Variants in MAPK10 observed in about 807,000 individuals in gnomAD.
The protein encoded by MAPK10 is JNK3 alpha protein kinase.
Under a neutral mutation model 59.3 loss-of-function variants are expected in MAPK10, and 25 were observed. The observed-to-expected ratio is 0.42, with a 90% CI of 0.31 to 0.59. MAPK10 has a LOEUF of 0.59. Among genes scored for constraint, MAPK10 ranks in the 20% least tolerant of loss-of-function variants. The probability of loss-of-function intolerance (pLI) is 0.15; values close to 1 mark genes in which losing one functional copy is unlikely to be tolerated. For synonymous variants in MAPK10, 190 were observed against 200.5 expected (o/e 0.95, Z 0.44); for missense variants, 351 against 568.9 (o/e 0.62, Z 3.90).
intron 3 of MAPK10, among the ~76,000 whole-genome samples, chr4:86,183,269 C>A (rs2077334236): frequency 6.6e-6 from 1 of 151,542 alleles, no homozygotes; most frequent in Non-Finnish European, 1.5e-5. Context: ...AGGTATATTT[C>A]CAAATGCTAT....
At chr4:86,134,753 T>C (rs988127408) in intron 4 of MAPK10, among the ~76,000 whole-genome samples, 2 of 152,224 alleles carry the variant, frequency 1.3e-5, no homozygotes. Context: ...CAGTGATTTC[T>C]GCATTTCCAT....
At chr4:86,396,405 T>C (rs1742956247) in intron 1 of MAPK10, among the ~76,000 whole-genome samples, 1 of 152,044 alleles carries the variant, frequency 6.6e-6, no homozygotes, top group Non-Finnish European at 1.5e-5. Context: ...TTCCACCCAA[T>C]ACCATAGCCA....
intron 2 of MAPK10, among the ~76,000 whole-genome samples, chr4:86,216,028 A>G (rs1390271828): frequency 6.6e-6 from 1 of 152,122 alleles, no homozygotes; most frequent in Non-Finnish European, 1.5e-5. Context: ...GAAAATGAAA[A>G]TTAGTACAGC....
intron 1 of MAPK10, among the ~76,000 whole-genome samples, chr4:86,578,613 A>G (rs1280208187): frequency 6.6e-6 from 1 of 151,764 alleles, no homozygotes; most frequent in Admixed American, 6.5e-5. Flanking sequence ...CTTATTTTCA[A>G]AGGTTAAACT....
At chr4:86,071,491 G>C (rs1217482380) in intron 9 of MAPK10, among the ~76,000 whole-genome samples, 1 of 144,824 alleles carries the variant, frequency 6.9e-6, no homozygotes, top group African/African-American at 2.7e-5. Context: ...GAATGGTAAT[G>C]CCTAGGTTTT....
intron 2 of MAPK10, among the ~76,000 whole-genome samples, chr4:86,237,362 T>C (rs892492977): frequency 9.2e-5 from 14 of 152,228 alleles, no homozygotes; most frequent in African/African-American, 3.1e-4. Context: ...TTCCTTTGGG[T>C]ATATACCCAG....
chr4:86,587,446 G>T (rs1191031007), intron 1 of MAPK10, among the ~76,000 whole-genome samples: 4 of 152,180 alleles, frequency 2.6e-5, no homozygotes, highest in South Asian at 2.1e-4. Flanking sequence ...CTAATTCTTG[G>T]TTCACTTGGA....
rs77252429 is a variant in MAPK10 at position 86,350,101 on chromosome 4, G to A, written c.-7+4429C>T. Among the ~76,000 whole-genome samples the A allele has an allele frequency of 5.3e-4, 81 of 152,250 alleles. No homozygotes were observed. The East Asian group carries it at 0.014, about 26-fold the overall frequency. ...CAGTCTTGCTCTGTCGCCCAGGTTG[G>A]AGTACAGTGGTGCAATCTCGATTCA... On this transcript the variant is annotated intron_variant, in intron 2 of 13. Transcript: ENST00000641462.
chr4:86,478,546 C>T (rs1282295232), intron 1 of MAPK10, among the ~76,000 whole-genome samples: 1 of 152,210 alleles, frequency 6.6e-6, no homozygotes, highest in African/African-American at 2.4e-5. Context: ...TTCTTCCTCA[C>T]ACCTGACACA....
intron 2 of MAPK10, among the ~76,000 whole-genome samples, chr4:86,225,922 A>G (rs1010446937): frequency 6.6e-5 from 10 of 152,246 alleles, no homozygotes; most frequent in African/African-American, 2.4e-4. Flanking sequence ...GTATACATAT[A>G]GACATGGACA....
intron 4 of MAPK10, among the ~76,000 whole-genome samples, chr4:86,116,824 T>A (rs563411438): frequency 6.6e-6 from 1 of 152,332 alleles, no homozygotes; most frequent in East Asian, 1.9e-4. Context: ...GTAAAAGAGT[T>A]AATAATGTAT....
upstream of MAPK10, chr4:86,360,109 C>T (rs1051471114): frequency 2.8e-5 from 28 of 985,584 alleles, 1 homozygote; most frequent in Non-Finnish European, 3.4e-5. Context: ...GCTATGGCAA[C>T]CGAAAGGAGC....
chr4:86,076,002 G>A (rs1448695015), intron 9 of MAPK10, among the ~76,000 whole-genome samples: 1 of 151,716 alleles, frequency 6.6e-6, no homozygotes, highest in East Asian at 1.9e-4. Context: ...CCCTCCTGGG[G>A]CCTTGCAGTT....
chr4:86,073,507 T>C (rs1487799578), intron 9 of MAPK10, among the ~76,000 whole-genome samples: 3 of 129,752 alleles, frequency 2.3e-5, no homozygotes, highest in African/African-American at 8.4e-5. Context: ...TTTGGATCTT[T>C]CCTGCTTTCT....
chr4:86,093,300 CTAAGTA>C (rs1318312899), intron 9 of MAPK10, among the ~76,000 whole-genome samples: 1 of 151,952 alleles, frequency 6.6e-6, no homozygotes, highest in African/African-American at 2.4e-5. Context: ...CTTAACACAC[CTAAGTA>C]TATTTTCATT....
intron 1 of MAPK10, among the ~76,000 whole-genome samples, chr4:86,519,377 C>T (rs143136008): frequency 5.0e-4 from 76 of 152,236 alleles, no homozygotes; most frequent in Non-Finnish European, 8.2e-4. Flanking sequence ...TGTCCCTCTG[C>T]GTCTTTTTAA....
chr4:86,115,541 A>C (rs2058171327), intron 4 of MAPK10, among the ~76,000 whole-genome samples: 1 of 151,998 alleles, frequency 6.6e-6, no homozygotes, highest in African/African-American at 2.4e-5. Context: ...GGCTCACCGC[A>C]ACCTCCGACC....
chr4:86,524,242 A>G (rs918142977), intron 1 of MAPK10, among the ~76,000 whole-genome samples: 1 of 152,226 alleles, frequency 6.6e-6, no homozygotes, highest in Non-Finnish European at 1.5e-5. Flanking sequence ...TAAATTACCT[A>G]GTGTCAGATA....
intron 2 of MAPK10, among the ~76,000 whole-genome samples, chr4:86,206,289 T>C (rs913031813): frequency 9.9e-5 from 15 of 151,848 alleles, no homozygotes; most frequent in African/African-American, 3.4e-4. Context: ...AGTGAGAATA[T>C]GCGGTGTTTG....
Sources: allele counts gnomAD v4.1 joint callset (sites outside exome capture counted in the v4.1 genomes callset), GRCh38; gene constraint gnomAD v4.1.1; transcripts MANE v1.5; gene names NCBI Gene and HGNC (gene_info 2026-07-23, HGNC 2026-07-21).